NACC1: variants seen among roughly 807,000 people sequenced by gnomAD.
NACC1 encodes the protein nucleus accumbens associated 1.
NACC1 carries 6 observed loss-of-function variants against 41.7 expected under a neutral mutation model. The ratio of observed to expected loss-of-function variants is 0.14; its 90% CI spans 0.08 to 0.28. NACC1 has a LOEUF of 0.28. NACC1 is among the 10% of genes least tolerant of loss of function. The probability of loss-of-function intolerance (pLI) is 1.00; values close to 1 mark genes in which losing one functional copy is unlikely to be tolerated. For missense variants in NACC1, 434 were observed against 763.7 expected (o/e 0.57, Z 5.09); for synonymous variants, 338 against 330.6 (o/e 1.02, Z -0.24).
At chr19:13,126,999 C>T (rs1404499454) in intron 1 of NACC1, among the ~76,000 whole-genome samples, 1 of 151,942 alleles carries the variant, frequency 6.6e-6, no homozygotes, top group Non-Finnish European at 1.5e-5. Flanking sequence ...CTTTGGGAGG[C>T]CAAGGCAGGA....
upstream of NACC1, chr19:13,118,041 C>G (rs946615485): frequency 2.0e-5 from 3 of 152,246 alleles, no homozygotes; most frequent in African/African-American, 7.2e-5. Flanking sequence ...GGTCGCGGGA[C>G]TAGAAGGTGG....
chr19:13,136,358 A>G lies in NACC1; in HGVS notation c.1073A>G (p.Lys358Arg), dbSNP rs1395365503. ...INQIGNRCHP[K>R]LYDEGDPSEK... ...CAGATTGGGAACCGCTGCCACCCCA[A>G]GCTCTACGACGAGGGCGACCCCTCT... The change falls in exon 3 of 6, where the codon AAG becomes AGG. Residue 358 changes from lysine (K) to arginine (R), a missense_variant. Physicochemically the swap from Lys to Arg is conservative, Grantham distance 26. Transcript: ENST00000292431. The surrounding 1 kb of genome is among the most constrained non-coding windows in gnomAD (Gnocchi z 5.5). 1.2e-6 allele frequency: 2 copies of G among 1,614,048 alleles called. No homozygotes were observed. Among genetic ancestry groups the G allele is most frequent in the Non-Finnish European group, 8.5e-7 (1 of 1,180,014 alleles).
At position 13,138,507 on chromosome 19, in the gene NACC1, C is replaced by T. The variant is rs922993748; in HGVS notation, c.*101C>T. ...ACTGTCTGTCCCTCCCCAGGACCCG[C>T]GGTGGGTGCTGCATGTTCCCGGCCC... On this transcript the variant is annotated 3_prime_UTR_variant, in exon 6 of 6. Coordinates refer to ENST00000292431, the MANE Select transcript of NACC1 (RefSeq NM_052876.4). The surrounding 1 kb of genome is among the most constrained non-coding windows in gnomAD (Gnocchi z 5.7). 29 of 1,498,920 alleles carry T rather than the reference C, an allele frequency of 1.9e-5. No individual in the cohort carries two copies. The highest frequency in any genetic ancestry group is 1.5e-4 in the African/African-American group (11 of 73,106). 92.9% of individuals were successfully genotyped at this position (1,498,920 alleles called of 1,614,324 possible). A position where few individuals can be genotyped will look rare whatever the true frequency, so the allele number is the denominator to read the frequency against.
chr19:13,137,660 T>C lies in NACC1; in HGVS notation c.1324+85T>C. On this transcript the variant is annotated intron_variant, in intron 5 of 5. Transcript: ENST00000292431. The surrounding 1 kb of genome is among the most constrained non-coding windows in gnomAD (Gnocchi z 6.1). ...CCCAGCCTTGGCTCTCAGAGAGGGC[T>C]AGAGTTCAGTGTTGAGAAGCATTCT... 1 of 1,140,280 alleles carries C rather than the reference T, an allele frequency of 8.8e-7. No homozygotes were observed. The highest frequency in any genetic ancestry group is 2.6e-5 in the East Asian group (1 of 38,980). 70.6% of individuals were successfully genotyped at this position (1,140,280 alleles called of 1,614,324 possible).
In NACC1 at chr19:13,138,091, G is replaced by T; in HGVS notation, c.1325-56G>T. The T allele has an allele frequency of 6.3e-7, 1 of 1,593,116 alleles. No homozygotes were observed. The highest frequency in any genetic ancestry group is 1.7e-5 in the Admixed American group (1 of 59,296). Reference sequence around the variant, plus strand: ...ATGCTGTAGGGGAGCTGGTGAGTAGGCCTTGTGGGAGTCACCTGGCCCCCG... The same window carrying T: ...ATGCTGTAGGGGAGCTGGTGAGTAGTCCTTGTGGGAGTCACCTGGCCCCCG... On this transcript the variant is annotated intron_variant, in intron 5 of 5. Coordinates refer to ENST00000292431, the MANE Select transcript of NACC1 (RefSeq NM_052876.4). The surrounding 1 kb of genome is among the most constrained non-coding windows in gnomAD (Gnocchi z 5.7).
intron 1 of NACC1, among the ~76,000 whole-genome samples, chr19:13,119,584 T>G (rs1409067523): frequency 6.6e-6 from 1 of 152,120 alleles, no homozygotes; most frequent in Non-Finnish European, 1.5e-5. Flanking sequence ...CCATCGTATA[T>G]ATTAGTACCA....
At position 13,135,751 on chromosome 19, in the gene NACC1, G is replaced by T; in HGVS notation, c.544G>T (p.Ala182Ser). The T allele has an allele frequency of 6.4e-7, 1 of 1,559,764 alleles. No individual in the cohort carries two copies. Reference protein sequence around the residue: ...ESDSVQCMPVAKRLWDSGQKE... With the variant: ...ESDSVQCMPVSKRLWDSGQKE... ...GGACTCCGTGCAGTGCATGCCCGTGGCCAAGCGGCTGTGGGACAGTGGCCA... is the reference window on the plus strand; with the variant it reads ...GGACTCCGTGCAGTGCATGCCCGTGTCCAAGCGGCTGTGGGACAGTGGCCA... Residue 182 changes from alanine to serine, a missense_variant, in exon 2 of 6, where the codon GCC becomes TCC. Ala to Ser is a moderately conservative substitution (Grantham distance 99, BLOSUM62 1). This residue lies in a region of NACC1 where 234 missense variants were observed against 308.3 expected (regional missense o/e 0.76). Transcript: ENST00000292431.
intron 1 of NACC1, 133 bp from the exon 2 acceptor site, chr19:13,135,067 G>A: frequency 7.1e-7 from 1 of 1,410,916 alleles, no homozygotes; most frequent in Non-Finnish European, 9.3e-7. Context: ...TTAGCACCAT[G>A]GTAGATTCCA....
chr19:13,120,189 C>T (rs913278870), intron 1 of NACC1, among the ~76,000 whole-genome samples: 5 of 152,096 alleles, frequency 3.3e-5, no homozygotes, highest in African/African-American at 1.2e-4. Context: ...GCCTGGTCAC[C>T]CCTTCTTCCC....
chr19:13,134,391 G>A (rs933315745), intron 1 of NACC1, among the ~76,000 whole-genome samples: 2 of 140,328 alleles, frequency 1.4e-5, no homozygotes, highest in African/African-American at 5.3e-5. Context: ...TTTTTTTTTT[G>A]AGACAGTCTT....
chr19:13,119,383 A>G (rs2019459695), intron 1 of NACC1, among the ~76,000 whole-genome samples: 2 of 152,136 alleles, frequency 1.3e-5, no homozygotes, highest in African/African-American at 4.8e-5. Flanking sequence ...GGGCAGCTGG[A>G]GACAGTCTGG....
chr19:13,129,219 G>C (rs1408195947), intron 1 of NACC1, among the ~76,000 whole-genome samples: 9 of 152,104 alleles, frequency 5.9e-5, no homozygotes, highest in East Asian at 1.9e-4. Flanking sequence ...TGACTTAGGT[G>C]GGGATTTGGT....
intron 1 of NACC1, among the ~76,000 whole-genome samples, chr19:13,130,266 A>AG (rs2019617256): frequency 6.6e-6 from 1 of 152,036 alleles, no homozygotes; most frequent in South Asian, 2.1e-4. Context: ...TTGTAGAGAT[A>AG]GGGGTCTCAC....
Position 13,137,204 on chromosome 19 carries a change from C to T in NACC1, c.1121-67C>T, listed in dbSNP as rs552961756. 4 of 1,489,770 alleles carry T rather than the reference C, an allele frequency of 2.7e-6. No individual in the cohort carries two copies. In the South Asian group the frequency reaches 4.6e-5, roughly 17 times the overall value. The allele number at this position is 1,489,770 out of a possible 1,614,324, so 92.3% of individuals were successfully genotyped here. A position where few individuals can be genotyped will look rare whatever the true frequency, so the allele number is the denominator to read the frequency against. On this transcript the variant is annotated intron_variant, in intron 3 of 5. Transcript: ENST00000292431. This position sits in a 1 kb window ranked among gnomAD's most constrained non-coding sequence, Gnocchi z 6.1. ...GGGCCTGGGGTGTTCTGAGATGAGGCCTGGTATCATGGGGGCTGTGGCGGT... is the reference window on the plus strand; with the variant it reads ...GGGCCTGGGGTGTTCTGAGATGAGGTCTGGTATCATGGGGGCTGTGGCGGT...
At chr19:13,118,839 G>C (rs979982585) in intron 1 of NACC1, among the ~76,000 whole-genome samples, 15 of 146,262 alleles carry the variant, frequency 1.0e-4, no homozygotes, top group Non-Finnish European at 1.5e-4. Flanking sequence ...GCCAGGCCGA[G>C]TGGGGGAGGA....
intron 1 of NACC1, among the ~76,000 whole-genome samples, chr19:13,129,994 A>G (rs780738616): frequency 6.6e-6 from 1 of 151,372 alleles, no homozygotes; most frequent in Admixed American, 6.6e-5. Context: ...CCCGTTCTGC[A>G]CTGTTTTGTT....
At position 13,137,997 on chromosome 19, in the gene NACC1, T is replaced by C; in HGVS notation, c.1325-150T>C. On this transcript the variant is annotated intron_variant, in intron 5 of 5. Coordinates refer to ENST00000292431, the MANE Select transcript of NACC1 (RefSeq NM_052876.4). The surrounding 1 kb of genome is among the most constrained non-coding windows in gnomAD (Gnocchi z 6.1). ...TGGCTGAACTCAGTCCGGTGTAGGG[T>C]TGGGTGCACGTAGTGTGGTGTCCTG... 1.8e-6 allele frequency: 2 copies of C among 1,082,098 alleles called. No homozygotes were observed. The highest frequency in any genetic ancestry group is 2.7e-6 in the Non-Finnish European group (2 of 747,548). The allele number at this position is 1,082,098 out of a possible 1,614,324, so 67.0% of individuals were successfully genotyped here.
At chr19:13,127,541 A>G (rs894007091) in intron 1 of NACC1, among the ~76,000 whole-genome samples, 1 of 151,684 alleles carries the variant, frequency 6.6e-6, no homozygotes, top group Non-Finnish European at 1.5e-5. Context: ...AAATAGAAAA[A>G]TTAGCCAGGC....
chr19:13,122,099 T>A (rs1305028618), intron 1 of NACC1, among the ~76,000 whole-genome samples: 1 of 152,022 alleles, frequency 6.6e-6, no homozygotes, highest in African/African-American at 2.4e-5. Context: ...TTAGGTGGGG[T>A]GAGGACCAGC....
Sources: allele counts gnomAD v4.1 joint callset (sites outside exome capture counted in the v4.1 genomes callset), GRCh38; gene constraint gnomAD v4.1.1; regional missense constraint gnomAD v4.1.1; non-coding constraint Gnocchi (gnomAD v3.1); transcripts MANE v1.5; gene names NCBI Gene and HGNC (gene_info 2026-07-23, HGNC 2026-07-21).